DLC1: variants seen among roughly 807,000 people sequenced by gnomAD.
DLC1 encodes DLC1 Rho GTPase activating protein, also known as rho GTPase-activating protein 7.
DLC1 carries 54 observed loss-of-function variants against 140.3 expected under a neutral mutation model. The observed-to-expected ratio is 0.38, with a 90% CI of 0.31 to 0.48. The LOEUF (loss-of-function observed/expected upper bound fraction) is 0.48, where lower values mean the gene tolerates loss of function less well. Ranked by LOEUF, DLC1 falls within the 20% of genes least tolerant of loss-of-function variation. DLC1 has a pLI of 0.96. For missense variants in DLC1, 2,536 were observed against 1,907.0 expected (o/e 1.33, Z -6.14); for synonymous variants, 986 against 728.1 (o/e 1.35, Z -5.70).
At chr8:13,119,184 C>T (rs1820822252) in intron 5 of DLC1, among the ~76,000 whole-genome samples, 1 of 146,210 alleles carries the variant, frequency 6.8e-6, no homozygotes, top group Non-Finnish European at 1.5e-5. Flanking sequence ...GCTGTGACCA[C>T]ACTACTGCAT....
At chr8:13,260,040 TAAAG>T (rs1830413426) in intron 5 of DLC1, among the ~76,000 whole-genome samples, 1 of 152,096 alleles carries the variant, frequency 6.6e-6, no homozygotes, top group Non-Finnish European at 1.5e-5. Flanking sequence ...GTACATTTGT[TAAAG>T]AAAACACACA....
At chr8:13,569,172 A>G (rs918399323) in intron 1 of DLC1, among the ~76,000 whole-genome samples, 5 of 152,246 alleles carry the variant, frequency 3.3e-5, no homozygotes, top group Non-Finnish European at 5.9e-5. Flanking sequence ...TTTATTATCT[A>G]TTTCCTCTAT....
At chr8:13,474,706 A>G (rs770928303) in intron 2 of DLC1, among the ~76,000 whole-genome samples, 7 of 152,218 alleles carry the variant, frequency 4.6e-5, no homozygotes, top group Non-Finnish European at 1.0e-4. Flanking sequence ...GATGTGAGAC[A>G]TACAGTCAAA....
intron 1 of DLC1, among the ~76,000 whole-genome samples, chr8:13,531,685 C>G (rs1423908387): frequency 6.6e-6 from 1 of 152,254 alleles, no homozygotes; most frequent in East Asian, 1.9e-4. Context: ...TATTTCTTCT[C>G]TCTTGCTAAT....
At chr8:13,503,237 C>G (rs1477119434) in intron 1 of DLC1, among the ~76,000 whole-genome samples, 1 of 151,932 alleles carries the variant, frequency 6.6e-6, no homozygotes, top group Non-Finnish European at 1.5e-5. Flanking sequence ...GATGATGTTT[C>G]TACAAAAAAT....
Position 13,152,824 on chromosome 8 carries a change from G to GAAAAAAAAAAA in DLC1, c.1349-37178_1349-37168dup, listed in dbSNP as rs773483544. Among the ~76,000 whole-genome samples the GAAAAAAAAAAA allele has an allele frequency of 3.6e-3, 326 of 90,788 alleles. 82 individuals are homozygous for GAAAAAAAAAAA. Among genetic ancestry groups the GAAAAAAAAAAA allele is most frequent in the Middle Eastern group, 8.1e-3 (1 of 124 alleles). The allele number at this position is 90,788 out of a possible 152,430, so 59.6% of individuals were successfully genotyped here. A position where few individuals can be genotyped will look rare whatever the true frequency, so the allele number is the denominator to read the frequency against. ...AGACTGAGACCCTGTCTCTGGGGAA[G>GAAAAAAAAAAA]AAAAAAAAAAAAAAAGCAACCAACC... On this transcript the variant is annotated intron_variant, in intron 5 of 17. Transcript: ENST00000276297.
chr8:13,429,426 C>G (rs1334654174), intron 2 of DLC1, among the ~76,000 whole-genome samples: 1 of 144,668 alleles, frequency 6.9e-6, no homozygotes, highest in Non-Finnish European at 1.5e-5. Context: ...GGGATAAAGT[C>G]TAGGCATCCA....
At position 13,404,381 on chromosome 8, in the gene DLC1, C is replaced by T. The variant is rs541693751; in HGVS notation, c.1024-2762G>A. 6.5e-4 allele frequency among the ~76,000 whole-genome samples: 99 copies of T among 152,166 alleles called. 1 individual carries two copies. Among genetic ancestry groups the T allele is most frequent in the Admixed American group, 3.7e-3 (57 of 15,276 alleles). ...AAGAAATGTGCATAATTGGCCCGTT[C>T]GAGCTGGTGTGAACCAGTGTCAGCT... On this transcript the variant is annotated intron_variant, in intron 2 of 17. Coordinates refer to ENST00000276297, the MANE Select transcript of DLC1 (RefSeq NM_182643.3).
intron 5 of DLC1, among the ~76,000 whole-genome samples, chr8:13,248,411 A>G (rs1056006054): frequency 1.5e-5 from 2 of 137,640 alleles, no homozygotes; most frequent in East Asian, 4.0e-4. Flanking sequence ...AGACTCTCTG[A>G]CTCTGAGCTG....
At chr8:13,323,632 T>G (rs1400283126) in intron 4 of DLC1, among the ~76,000 whole-genome samples, 1 of 152,176 alleles carries the variant, frequency 6.6e-6, no homozygotes, top group Non-Finnish European at 1.5e-5. Flanking sequence ...TTTCTAACAT[T>G]AAGGAACTTA....
rs565391947 is a variant in DLC1, at chr8:13,413,383, G to A, written c.1024-11764C>T. Among the ~76,000 whole-genome samples, 3 of 147,994 alleles carry A rather than the reference G, an allele frequency of 2.0e-5. No homozygotes were observed. In the East Asian group the frequency reaches 6.1e-4, roughly 30 times the overall value. ...AGCCAAAAGATTGAACACCCCTGCT[G>A]TACAGCATAAAATCCTTAATATATT... On this transcript the variant is annotated intron_variant, in intron 2 of 17. Transcript: ENST00000276297.
intron 4 of DLC1, chr8:13,339,308 A>T (rs1833936301): frequency 6.6e-6 from 1 of 152,214 alleles, no homozygotes; most frequent in Non-Finnish European, 1.5e-5. Context: ...GCTGCCAGCG[A>T]CAACCTTCTA....
chr8:13,486,343 T>C (rs1050077501), intron 2 of DLC1, among the ~76,000 whole-genome samples: 1 of 145,234 alleles, frequency 6.9e-6, no homozygotes, highest in African/African-American at 2.4e-5. Flanking sequence ...TTCTCAGATG[T>C]TTTTTTCCCC....
At chr8:13,289,178 T>C (rs1831658172) in intron 5 of DLC1, among the ~76,000 whole-genome samples, 1 of 152,032 alleles carries the variant, frequency 6.6e-6, no homozygotes, top group Non-Finnish European at 1.5e-5. Context: ...ACCCTCCATC[T>C]CATAGAGTTA....
At chr8:13,171,678 A>T (rs1175259863) in intron 5 of DLC1, among the ~76,000 whole-genome samples, 1 of 152,182 alleles carries the variant, frequency 6.6e-6, no homozygotes, top group African/African-American at 2.4e-5. Context: ...GTGAACCACC[A>T]CGGCCGGCCC....
At chr8:13,438,998 A>G (rs1839242736) in intron 2 of DLC1, among the ~76,000 whole-genome samples, 2 of 152,170 alleles carry the variant, frequency 1.3e-5, no homozygotes, top group Admixed American at 1.3e-4. Context: ...GTATACAAAT[A>G]ATTGTGCCTG....
At chr8:13,548,228 C>G (rs767305814) in intron 1 of DLC1, among the ~76,000 whole-genome samples, 1 of 152,028 alleles carries the variant, frequency 6.6e-6, no homozygotes, top group African/African-American at 2.4e-5. Context: ...AATCCCACGC[C>G]TACCCGACCC....
At chr8:13,531,569 G>C (rs1477031352) in intron 1 of DLC1, among the ~76,000 whole-genome samples, 2 of 151,938 alleles carry the variant, frequency 1.3e-5, no homozygotes, top group East Asian at 3.9e-4. Flanking sequence ...CTGGGCGACA[G>C]GGTGAGACTG....
chr8:13,439,460 A>T (rs1362441298), intron 2 of DLC1, among the ~76,000 whole-genome samples: 2 of 151,616 alleles, frequency 1.3e-5, no homozygotes, highest in Admixed American at 1.3e-4. Flanking sequence ...TATTCATACA[A>T]CTTTCTCTGT....
Sources: gnomAD v4.1 joint callset for allele counts (sites outside exome capture counted in the v4.1 genomes callset) on GRCh38, gnomAD v4.1.1 for gene constraint, MANE v1.5 for transcripts, NCBI Gene and HGNC (gene_info 2026-07-23, HGNC 2026-07-21) for gene names.